GPD2: variants seen among roughly 807,000 people sequenced by gnomAD.
GPD2 encodes the protein glycerol-3-phosphate dehydrogenase 2, also known as glycerol-3-phosphate dehydrogenase, mitochondrial.
In GPD2, 54 loss-of-function variants were observed where a neutral mutation model predicts 82.4. The ratio of observed to expected loss-of-function variants is 0.66; its 90% CI spans 0.53 to 0.82. The LOEUF is 0.82. GPD2 is among the 40% of genes least tolerant of loss of function. The probability of loss-of-function intolerance (pLI) is 0.00; values close to 1 mark genes in which losing one functional copy is unlikely to be tolerated. For synonymous variants in GPD2, 288 were observed against 306.1 expected (o/e 0.94, Z 0.62); for missense variants, 748 against 896.2 (o/e 0.83, Z 2.11).
chr2:156,463,149 C>A (rs1252262512), intron 1 of GPD2, among the ~76,000 whole-genome samples: 2 of 152,164 alleles, frequency 1.3e-5, no homozygotes, highest in Non-Finnish European at 2.9e-5. Flanking sequence ...CTGAGGCCAT[C>A]ACCATATCAT....
intron 3 of GPD2, among the ~76,000 whole-genome samples, chr2:156,508,843 T>A (rs1047274871): frequency 6.6e-6 from 1 of 152,218 alleles, no homozygotes; most frequent in African/African-American, 2.4e-5. Context: ...TTAATTTTTC[T>A]GGGTTTATAT....
At chr2:156,506,201 C>T (rs1426228656) in intron 3 of GPD2, among the ~76,000 whole-genome samples, 3 of 152,100 alleles carry the variant, frequency 2.0e-5, no homozygotes, top group Non-Finnish European at 4.4e-5. Context: ...GGAAAACTTT[C>T]AGTAATACTT....
At chr2:156,548,040 G>A (rs1686615348) in intron 6 of GPD2, among the ~76,000 whole-genome samples, 1 of 152,108 alleles carries the variant, frequency 6.6e-6, no homozygotes, top group African/African-American at 2.4e-5. Context: ...TGTGGGGCAG[G>A]GTGTTTCCTT....
intron 1 of GPD2, among the ~76,000 whole-genome samples, chr2:156,450,472 C>T (rs979177087): frequency 7.2e-5 from 11 of 151,934 alleles, no homozygotes; most frequent in Non-Finnish European, 1.0e-4. Flanking sequence ...AGCAGAAGAG[C>T]GTGGTGTCTC....
chr2:156,489,725 T>C, intron 2 of GPD2, among the ~76,000 whole-genome samples: 1 of 108,266 alleles, frequency 9.2e-6, no homozygotes, highest in African/African-American at 3.9e-5. Context: ...CCTTCCTTCC[T>C]CCCTCCCTCC....
the GPD2 span, among the ~76,000 whole-genome samples, chr2:156,417,032 T>C: frequency 6.6e-6 from 1 of 152,182 alleles, no homozygotes; most frequent in Non-Finnish European, 1.5e-5. Context: ...ACTTATTCCT[T>C]TGTAATCCTG....
At chr2:156,507,100 G>A (rs530616973) in intron 3 of GPD2, among the ~76,000 whole-genome samples, 160 of 151,256 alleles carry the variant, frequency 1.1e-3, no homozygotes, top group South Asian at 1.7e-3. Context: ...TGCAACCTCC[G>A]CCTCCTGGGT....
rs112193191 is a variant in GPD2, at chr2:156,576,782, T to G, written c.1768-2107T>G. On this transcript the variant is annotated intron_variant, in intron 13 of 16. Transcript: ENST00000438166. ...TGATGGAGTATAGATAAATTACACA[T>G]GCAATGAAGGGCCATAAGTCGAGAA... Among the ~76,000 whole-genome samples, 9 of 152,280 alleles carry G rather than the reference T, an allele frequency of 5.9e-5. 1 individual carries two copies. The highest frequency in any genetic ancestry group is 1.9e-4 in the African/African-American group (8 of 41,564).
chr2:156,455,658 C>T (rs1682765431), intron 1 of GPD2, among the ~76,000 whole-genome samples: 1 of 152,176 alleles, frequency 6.6e-6, no homozygotes, highest in Non-Finnish European at 1.5e-5. Flanking sequence ...GTTAAAGTTA[C>T]ATATTGCCTT....
chr2:156,528,555 A>G (rs1685700437), intron 6 of GPD2, among the ~76,000 whole-genome samples: 1 of 150,178 alleles, frequency 6.7e-6, no homozygotes, highest in African/African-American at 2.4e-5. Context: ...GTCATCTAGC[A>G]TTAGGTATAT....
chr2:156,539,597 G>T (rs911689609), intron 6 of GPD2, among the ~76,000 whole-genome samples: 1 of 152,180 alleles, frequency 6.6e-6, no homozygotes, highest in African/African-American at 2.4e-5. Flanking sequence ...TCAAAAGGCT[G>T]CCTCCAGTTA....
At chr2:156,560,316 G>A (rs1199236234) in intron 9 of GPD2, among the ~76,000 whole-genome samples, 1 of 152,108 alleles carries the variant, frequency 6.6e-6, no homozygotes, top group Admixed American at 6.6e-5. Context: ...GTCCATAAAA[G>A]TCTTTTCAAT....
chr2:156,437,115 A>G (rs1238407062), intron 1 of GPD2, among the ~76,000 whole-genome samples: 1 of 152,236 alleles, frequency 6.6e-6, no homozygotes, highest in Non-Finnish European at 1.5e-5. Flanking sequence ...GAAGAGTTCC[A>G]GAGTAATTTA....
chr2:156,419,360 A>G, the GPD2 span, among the ~76,000 whole-genome samples: 5 of 152,224 alleles, frequency 3.3e-5, no homozygotes, highest in Non-Finnish European at 7.3e-5. Flanking sequence ...CGCCCAGCCC[A>G]GGGTACTGTT....
chr2:156,479,102 A>T (rs1442258040), intron 2 of GPD2, among the ~76,000 whole-genome samples: 1 of 152,228 alleles, frequency 6.6e-6, no homozygotes, highest in Non-Finnish European at 1.5e-5. Context: ...TTGTTAAAAC[A>T]TTTTTGGTGA....
intron 1 of GPD2, among the ~76,000 whole-genome samples, chr2:156,469,384 C>T (rs758735018): frequency 5.9e-5 from 9 of 152,244 alleles, no homozygotes; most frequent in Admixed American, 2.0e-4. Context: ...AGGCTGGTTT[C>T]GAACTTCGGA....
intron 9 of GPD2, among the ~76,000 whole-genome samples, chr2:156,563,461 G>A (rs1405409293): frequency 2.0e-5 from 3 of 152,102 alleles, no homozygotes; most frequent in Non-Finnish European, 2.9e-5. Flanking sequence ...AGTTAAAGTG[G>A]GTGATGGTCA....
At chr2:156,568,804 C>G (rs1687485979) in intron 9 of GPD2, 21 bp from the exon 10 acceptor site, 1 of 1,607,364 alleles carries the variant, frequency 6.2e-7, no homozygotes, top group African/African-American at 1.3e-5. Context: ...GTTCATAACC[C>G]TTGGCATTGA....
chr2:156,578,745 C>G, intron 13 of GPD2, 144 bp from the exon 14 acceptor site: 1 of 635,944 alleles, frequency 1.6e-6, no homozygotes. Context: ...AATTATACTT[C>G]AATGAAACTG....
Sources: gnomAD v4.1 joint callset for allele counts (sites outside exome capture counted in the v4.1 genomes callset) on GRCh38, gnomAD v4.1.1 for gene constraint, MANE v1.5 for transcripts, NCBI Gene and HGNC (gene_info 2026-07-23, HGNC 2026-07-21) for gene names.